Variants in IPO7 observed in about 807,000 individuals in gnomAD.
IPO7 encodes the protein importin 7, also known as importin-7.
IPO7 carries 13 observed loss-of-function variants against 136.4 expected under a neutral mutation model. The ratio of observed to expected loss-of-function variants is 0.10; its 90% CI spans 0.06 to 0.15. The LOEUF is 0.15. IPO7 is among the 10% of genes least tolerant of loss of function. IPO7 has a pLI of 1.00. For synonymous variants in IPO7, 403 were observed against 404.4 expected (o/e 1.00, Z 0.04); for missense variants, 857 against 1,240.6 (o/e 0.69, Z 4.65).
intron 8 of IPO7, among the ~76,000 whole-genome samples, chr11:9,421,615 A>G (rs1855130413): frequency 6.6e-6 from 1 of 150,746 alleles, no homozygotes; most frequent in African/African-American, 2.4e-5. Context: ...GTTACAGAGC[A>G]AGACTCCATC....
intron 1 of IPO7, among the ~76,000 whole-genome samples, chr11:9,398,570 A>G (rs1282720052): frequency 1.3e-5 from 2 of 152,242 alleles, no homozygotes; most frequent in Admixed American, 1.3e-4. Context: ...AAATGAAGTC[A>G]TGTGTTTCTT....
chr11:9,391,306 G>A (rs1317158884), intron 1 of IPO7, among the ~76,000 whole-genome samples: 1 of 152,066 alleles, frequency 6.6e-6, no homozygotes, highest in Non-Finnish European at 1.5e-5. Flanking sequence ...GACTGAGGCA[G>A]GAGAATCACT....
At chr11:9,435,342 G>A (rs1855354586) in intron 19 of IPO7, among the ~76,000 whole-genome samples, 3 of 152,158 alleles carry the variant, frequency 2.0e-5, no homozygotes, top group South Asian at 2.1e-4. Flanking sequence ...AAAGGATTAG[G>A]AATGGATAGA....
In IPO7 at chr11:9,431,249, T is replaced by G. The variant is rs979553097; in HGVS notation, c.1881+246T>G. 2.6e-5 allele frequency among the ~76,000 whole-genome samples: 4 copies of G among 152,220 alleles called. No individual in the cohort carries two copies. In the South Asian group the frequency reaches 6.2e-4, roughly 24 times the overall value. On this transcript the variant is annotated intron_variant, in intron 16 of 24. Transcript: ENST00000379719. ...TGTTTTCTCAGATCCAGAAATATGG[T>G]GGTTCCCAGAAAAACAAAAATATTT... is the stretch of plus-strand genomic sequence containing the variant.
At chr11:9,429,605 A>G (rs1855264236) in intron 14 of IPO7, 69 bp from the exon 15 acceptor site, 2 of 1,274,836 alleles carry the variant, frequency 1.6e-6, no homozygotes, top group Admixed American at 2.4e-5. Context: ...AAACTCATCG[A>G]TATTTGTTAT....
intron 16 of IPO7, among the ~76,000 whole-genome samples, chr11:9,431,686 T>C (rs1330120173): frequency 6.6e-6 from 1 of 152,154 alleles, no homozygotes; most frequent in Admixed American, 6.6e-5. Flanking sequence ...AAATCCATTA[T>C]TGGGCGGCCA....
intron 12 of IPO7, 79 bp downstream of exon 12, chr11:9,425,341 C>A: frequency 1.2e-6 from 1 of 856,750 alleles, no homozygotes; most frequent in African/African-American, 1.7e-5. Flanking sequence ...CACAGTGGCT[C>A]ACTTCTATAA....
rs1366176307 is a variant in IPO7 at position 9,448,103 on chromosome 11, T to C, written c.*2909T>C. On this transcript the variant is annotated 3_prime_UTR_variant, in exon 25 of 25. Transcript: ENST00000379719. The stretch of plus-strand genomic sequence containing the variant: ...TAATAGGTAGTCTCTGTTTGTAAAA[T>C]AAATGACTTAAATTTAAAACATCAG... 1 of 152,218 alleles carries C rather than the reference T, an allele frequency of 6.6e-6. No homozygotes were observed. Among genetic ancestry groups the C allele is most frequent in the African/African-American group, 2.4e-5 (1 of 41,470 alleles). 9.4% of individuals were successfully genotyped at this position (152,218 alleles called of 1,614,324 possible). A position where few individuals can be genotyped will look rare whatever the true frequency, so the allele number is the denominator to read the frequency against.
chr11:9,430,031 C>G lies in IPO7; in HGVS notation c.1752+197C>G, dbSNP rs184690971. 1.4e-4 allele frequency among the ~76,000 whole-genome samples: 21 copies of G among 152,280 alleles called. No individual in the cohort carries two copies. In the East Asian group the frequency reaches 1.9e-3, roughly 14 times the overall value. ...GGGATGAAACTGTTCCACCTCTTAT[C>G]AGACAGGCAATGGTTTCTCATAAGG... On this transcript the variant is annotated intron_variant, in intron 15 of 24. Transcript: ENST00000379719.
At chr11:9,427,049 C>T (rs947046724) in intron 12 of IPO7, among the ~76,000 whole-genome samples, 2 of 152,068 alleles carry the variant, frequency 1.3e-5, no homozygotes, top group African/African-American at 4.8e-5. Context: ...GGGGTTTTGC[C>T]ATGTTGGCCA....
intron 24 of IPO7, among the ~76,000 whole-genome samples, chr11:9,443,169 C>T (rs577698735): frequency 6.6e-6 from 1 of 152,092 alleles, no homozygotes; most frequent in Admixed American, 6.5e-5. Context: ...CGCCATTGCA[C>T]TGCAGCCTGG....
chr11:9,410,093 GTTTC>G lies in IPO7; in HGVS notation c.479+12_479+15del. ...AGCTTGTGAAAAATTATGAGTAAGTGTTTCTTTCAACTCCTATAGAGCTTTGAGA... is the reference window on the plus strand; with the variant it reads ...AGCTTGTGAAAAATTATGAGTAAGTGTTTCAACTCCTATAGAGCTTTGAGA... On this transcript the variant is annotated splice_region_variant and intron_variant, in intron 4 of 24. Coordinates refer to ENST00000379719, the MANE Select transcript of IPO7 (RefSeq NM_006391.3). 1.3e-6 allele frequency: 2 copies of G among 1,566,708 alleles called. No individual in the cohort carries two copies. The highest frequency in any genetic ancestry group is 1.7e-6 in the Non-Finnish European group (2 of 1,159,166).
At chr11:9,422,785 C>G (rs1855152124) in intron 8 of IPO7, among the ~76,000 whole-genome samples, 1 of 151,912 alleles carries the variant, frequency 6.6e-6, no homozygotes, top group Admixed American at 6.6e-5. Context: ...CTGTCTCTAA[C>G]AACAACAACA....
intron 23 of IPO7, among the ~76,000 whole-genome samples, chr11:9,441,660 C>G (rs772145623): frequency 1.3e-5 from 2 of 152,180 alleles, no homozygotes; most frequent in African/African-American, 4.8e-5. Flanking sequence ...TAGACAGACA[C>G]CACATGTCAG....
chr11:9,397,333 T>TAAAAAAA (rs1238499611), intron 1 of IPO7, among the ~76,000 whole-genome samples: 14 of 52,910 alleles, frequency 2.6e-4, no homozygotes, highest in African/African-American at 9.5e-4. Flanking sequence ...AAAAATAATT[T>TAAAAAAA]AAAAAAAAAT....
intron 18 of IPO7, among the ~76,000 whole-genome samples, chr11:9,434,625 T>TA (rs1017209208): frequency 6.6e-6 from 1 of 152,016 alleles, no homozygotes. Flanking sequence ...ACCCTGTCTC[T>TA]AAAAAAAACT....
intron 23 of IPO7, 59 bp from the exon 24 acceptor site, chr11:9,442,022 C>G: frequency 1.3e-6 from 1 of 796,320 alleles, no homozygotes. Flanking sequence ...TAGTGTAGAA[C>G]GGAGCTACCA....
chr11:9,395,312 C>T (rs993913713), intron 1 of IPO7, among the ~76,000 whole-genome samples: 2 of 151,968 alleles, frequency 1.3e-5, no homozygotes, highest in Admixed American at 6.6e-5. Flanking sequence ...GGTACGATCT[C>T]GGCTCACTGC....
chr11:9,388,181 A>G (rs536236119), intron 1 of IPO7, among the ~76,000 whole-genome samples: 5 of 146,018 alleles, frequency 3.4e-5, no homozygotes, highest in Non-Finnish European at 7.5e-5. Context: ...AAATAAATAA[A>G]TTTTTTTTTT....
Sources: gnomAD v4.1 joint callset for allele counts (sites outside exome capture counted in the v4.1 genomes callset) on GRCh38, gnomAD v4.1.1 for gene constraint, MANE v1.5 for transcripts, NCBI Gene and HGNC (gene_info 2026-07-23, HGNC 2026-07-21) for gene names.